The following MAPKAP1 variants were observed in gnomAD, a reference collection of about 807,000 sequenced individuals.
MAPKAP1 encodes the protein target of rapamycin complex 2 subunit MAPKAP1.
In MAPKAP1, 20 loss-of-function variants were observed where a neutral mutation model predicts 65.7. The ratio of observed to expected loss-of-function variants is 0.30; its 90% CI spans 0.21 to 0.44. The LOEUF (loss-of-function observed/expected upper bound fraction) is 0.44, where lower values mean the gene tolerates loss of function less well. Ranked by LOEUF, MAPKAP1 falls within the 20% of genes least tolerant of loss-of-function variation. The probability of loss-of-function intolerance (pLI) is 1.00; values close to 1 mark genes in which losing one functional copy is unlikely to be tolerated. For missense variants in MAPKAP1, 423 were observed against 648.0 expected (o/e 0.65, Z 3.77); for synonymous variants, 222 against 244.3 (o/e 0.91, Z 0.85).
At chr9:125,570,292 A>G (rs1831189057) in intron 5 of MAPKAP1, among the ~76,000 whole-genome samples, 1 of 152,232 alleles carries the variant, frequency 6.6e-6, no homozygotes, top group Non-Finnish European at 1.5e-5. Context: ...TCATGAAAAA[A>G]TTTGTGAAAG....
At chr9:125,480,814 T>C (rs1389054580) in intron 9 of MAPKAP1, among the ~76,000 whole-genome samples, 1 of 150,454 alleles carries the variant, frequency 6.6e-6, no homozygotes, top group Admixed American at 6.6e-5. Context: ...CTACTAAAAA[T>C]ACAAAAAATT....
chr9:125,444,518 T>A lies in MAPKAP1; in HGVS notation c.1426A>T (p.Asn476Tyr), dbSNP rs746792847. 7.4e-6 allele frequency: 12 copies of A among 1,612,978 alleles called. No homozygotes were observed. In the South Asian group the frequency reaches 1.3e-4, roughly 18 times the overall value. The change falls in exon 11 of 12, where the codon AAT (asparagine) becomes TAT (tyrosine). Residue 476 changes from asparagine (N) to tyrosine (Y), a missense_variant. Asn to Tyr is a moderately radical substitution (Grantham distance 143). Transcript: ENST00000265960. ...ATACTCACCTTGAGCACAATTTCAT[T>A]GACGGTAGCAGCGTCCGATTCAAAG... is the stretch of plus-strand genomic sequence containing the variant. ...LYFESDAATVNEIVLKVNYIL... is the reference protein window; with the variant it reads ...LYFESDAATVYEIVLKVNYIL...
intron 4 of MAPKAP1, among the ~76,000 whole-genome samples, chr9:125,600,215 AG>A (rs1305625228): frequency 2.0e-5 from 3 of 151,250 alleles, no homozygotes; most frequent in Admixed American, 6.6e-5. Context: ...GGAAGTATGA[AG>A]GAAAAAAAAA....
At chr9:125,661,349 T>G (rs188356403) in intron 3 of MAPKAP1, among the ~76,000 whole-genome samples, 2 of 152,018 alleles carry the variant, frequency 1.3e-5, no homozygotes, top group Non-Finnish European at 2.9e-5. Context: ...AAAACAAAAC[T>G]TAAAAAAAAA....
chr9:125,488,095 A>G (rs965734490), intron 8 of MAPKAP1, among the ~76,000 whole-genome samples: 1 of 152,206 alleles, frequency 6.6e-6, no homozygotes, highest in South Asian at 2.1e-4. Flanking sequence ...TCAACACAGT[A>G]ATGCTTCTTG....
chr9:125,506,452 GTC>G (rs758748751), intron 7 of MAPKAP1, 35 bp from the exon 8 acceptor site: 1 of 1,537,826 alleles, frequency 6.5e-7, no homozygotes, highest in Non-Finnish European at 9.0e-7. Context: ...AGGGGAGGAA[GTC>G]TGAAACAGCG....
chr9:125,617,321 C>T (rs1422363136), intron 4 of MAPKAP1, among the ~76,000 whole-genome samples: 3 of 152,034 alleles, frequency 2.0e-5, no homozygotes, highest in Non-Finnish European at 2.9e-5. Flanking sequence ...ATTAGCCAGG[C>T]GTGGTGGCAA....
At chr9:125,560,786 C>T (rs1393438232) in intron 5 of MAPKAP1, among the ~76,000 whole-genome samples, 2 of 152,146 alleles carry the variant, frequency 1.3e-5, no homozygotes, top group Non-Finnish European at 2.9e-5. Flanking sequence ...GATACCTGGT[C>T]CTCTTGACTA....
At chr9:125,648,721 T>C (rs1265449711) in intron 4 of MAPKAP1, among the ~76,000 whole-genome samples, 2 of 152,108 alleles carry the variant, frequency 1.3e-5, no homozygotes, top group Non-Finnish European at 2.9e-5. Context: ...GGCAGGCGGA[T>C]TACCTGGTCA....
intron 8 of MAPKAP1, among the ~76,000 whole-genome samples, chr9:125,499,555 G>C (rs1281306217): frequency 1.3e-5 from 2 of 152,284 alleles, no homozygotes; most frequent in African/African-American, 4.8e-5. Flanking sequence ...AATCCTTTAA[G>C]ATGAGGATGC....
intron 7 of MAPKAP1, among the ~76,000 whole-genome samples, chr9:125,526,780 T>C (rs1829781863): frequency 6.6e-6 from 1 of 151,400 alleles, no homozygotes; most frequent in Non-Finnish European, 1.5e-5. Flanking sequence ...TTCTTTTTTC[T>C]TTTTTCTTTT....
chr9:125,621,784 G>T (rs1435575016), intron 4 of MAPKAP1, among the ~76,000 whole-genome samples: 3 of 152,150 alleles, frequency 2.0e-5, no homozygotes, highest in Non-Finnish European at 2.9e-5. Context: ...GGTTCTTAAG[G>T]CTACTATTTA....
intron 3 of MAPKAP1, among the ~76,000 whole-genome samples, chr9:125,658,365 C>G (rs77961936): frequency 6.6e-6 from 1 of 152,150 alleles, no homozygotes; most frequent in Non-Finnish European, 1.5e-5. Flanking sequence ...TATTGCTGCT[C>G]GGCCTTTTGG....
At chr9:125,672,700 C>A in intron 1 of MAPKAP1, 57 bp from the exon 2 acceptor site, 3 of 1,091,134 alleles carry the variant, frequency 2.7e-6, no homozygotes, top group South Asian at 3.0e-5. Context: ...ATGACTGAAT[C>A]ATTTTTCAGA....
At chr9:125,614,730 A>T (rs1195016188) in intron 4 of MAPKAP1, among the ~76,000 whole-genome samples, 1 of 152,208 alleles carries the variant, frequency 6.6e-6, no homozygotes, top group East Asian at 1.9e-4. Flanking sequence ...TTGAATGTAC[A>T]TGATTTAAAA....
chr9:125,608,385 G>A lies in MAPKAP1; in HGVS notation c.499-22658C>T, dbSNP rs74553701. ...CCATCATAGCAAGGGAAATGGCACTGACAGTGGATGCTCTGAATCCACTCC... is the reference window on the plus strand; with the variant it reads ...CCATCATAGCAAGGGAAATGGCACTAACAGTGGATGCTCTGAATCCACTCC... On this transcript the variant is annotated intron_variant, in intron 4 of 11. Transcript: ENST00000265960. Among the ~76,000 whole-genome samples the A allele has an allele frequency of 6.2e-3, 943 of 152,278 alleles. 16 individuals are homozygous for A. Among genetic ancestry groups the A allele is most frequent in the African/African-American group, 0.022 (907 of 41,542 alleles).
At chr9:125,701,509 G>T (rs118132832) in intron 1 of MAPKAP1, among the ~76,000 whole-genome samples, 1 of 152,266 alleles carries the variant, frequency 6.6e-6, no homozygotes, top group Non-Finnish European at 1.5e-5. Flanking sequence ...CTACTAAACT[G>T]TGATTCACTG....
At chr9:125,578,819 C>T (rs1831529570) in intron 5 of MAPKAP1, among the ~76,000 whole-genome samples, 2 of 152,034 alleles carry the variant, frequency 1.3e-5, no homozygotes, top group South Asian at 4.2e-4. Context: ...CATCCATAGA[C>T]CAAATAGTCA....
In MAPKAP1 at chr9:125,595,916, G is replaced by T; in HGVS notation, c.499-10189C>A. 7.8e-7 allele frequency: 1 copy of T among 1,279,216 alleles called. No homozygotes were observed. The highest frequency in any genetic ancestry group is 2.3e-5 in the East Asian group (1 of 43,478). 79.2% of individuals were successfully genotyped at this position (1,279,216 alleles called of 1,614,324 possible). A position where few individuals can be genotyped will look rare whatever the true frequency, so the allele number is the denominator to read the frequency against. ...GCCACACAAGGTGGATCGGAGTTGT[G>T]GAACCAAAGAGAGCTGTCTCAAGAG... On this transcript the variant is annotated intron_variant, in intron 4 of 11. Transcript: ENST00000265960. This position sits in a 1 kb window ranked among gnomAD's most constrained non-coding sequence, Gnocchi z 4.0.
Sources: allele counts gnomAD v4.1 joint callset (sites outside exome capture counted in the v4.1 genomes callset), GRCh38; gene constraint gnomAD v4.1.1; non-coding constraint Gnocchi (gnomAD v3.1); transcripts MANE v1.5; gene names NCBI Gene and HGNC (gene_info 2026-07-23, HGNC 2026-07-21).